SYN2: variants seen among roughly 807,000 people sequenced by gnomAD.
The protein encoded by SYN2 is synapsin-2.
SYN2 carries 19 observed loss-of-function variants against 50.9 expected under a neutral mutation model. That is an observed-to-expected ratio of 0.37 (90% CI 0.26 to 0.55). The LOEUF (loss-of-function observed/expected upper bound fraction) is 0.55, where lower values mean the gene tolerates loss of function less well. Among genes scored for constraint, SYN2 ranks in the 20% least tolerant of loss-of-function variants. The pLI is 0.81. For missense variants in SYN2, 587 were observed against 576.4 expected, an observed-to-expected ratio of 1.02 and a Z score of -0.19; for synonymous variants, 255 against 224.9, an observed-to-expected ratio of 1.13 and a Z score of -1.20.
Position 12,097,585 on chromosome 3 carries a change from G to A in SYN2, c.378-43066G>A, listed in dbSNP as rs572219760. On this transcript the variant is annotated intron_variant, in intron 1 of 12. Transcript: ENST00000621198. The stretch of plus-strand genomic sequence containing the variant: ...CACACCACTGCACTCCAGCCTGGGC[G>A]ACAGAGCGAGACTCCATCTCAACAA... Among the ~76,000 whole-genome samples, 71 of 146,402 alleles carry A rather than the reference G, an allele frequency of 4.8e-4. No individual in the cohort carries two copies. The South Asian group carries it at 9.0e-3, about 18-fold the overall frequency.
At chr3:12,083,629 C>A (rs1172622916) in intron 1 of SYN2, among the ~76,000 whole-genome samples, 1 of 152,140 alleles carries the variant, frequency 6.6e-6, no homozygotes, top group South Asian at 2.1e-4. Context: ...ATTATAACTT[C>A]TGTTTTTGTG....
At chr3:12,178,433 A>G (rs1289369391) in intron 10 of SYN2, among the ~76,000 whole-genome samples, 2 of 152,184 alleles carry the variant, frequency 1.3e-5, no homozygotes, top group Non-Finnish European at 2.9e-5. Flanking sequence ...GGCATTTTAA[A>G]GTTACCTTTG....
At chr3:12,083,051 G>GC (rs1559412847) in intron 1 of SYN2, among the ~76,000 whole-genome samples, 1 of 151,890 alleles carries the variant, frequency 6.6e-6, no homozygotes, top group Non-Finnish European at 1.5e-5. Context: ...TCACTCTGTT[G>GC]CCCAGACTGG....
chr3:12,151,155 C>A (rs757132145), intron 4 of SYN2, 82 bp from the exon 5 acceptor site: 20 of 986,652 alleles, frequency 2.0e-5, no homozygotes, highest in Non-Finnish European at 3.0e-5. Flanking sequence ...AGCAAATGCT[C>A]AATAAATATT....
chr3:12,020,325 C>G (rs747733100), intron 1 of SYN2, among the ~76,000 whole-genome samples: 2 of 146,332 alleles, frequency 1.4e-5, no homozygotes, highest in African/African-American at 2.5e-5. Context: ...TCTTCCCCCC[C>G]ACCCTGGCCC....
chr3:12,124,786 A>G (rs1416313801), intron 1 of SYN2, among the ~76,000 whole-genome samples: 4 of 152,194 alleles, frequency 2.6e-5, no homozygotes, highest in Non-Finnish European at 5.9e-5. Flanking sequence ...GTAAAACTAT[A>G]TAAAAACACA....
At chr3:12,154,386 G>C (rs746195478) in intron 5 of SYN2, 2 of 1,614,220 alleles carry the variant, frequency 1.2e-6, no homozygotes, top group Non-Finnish European at 1.7e-6. Context: ...ACCAAGGACA[G>C]GTCCTCCCAG....
At chr3:12,118,478 C>G (rs531915222) in intron 1 of SYN2, among the ~76,000 whole-genome samples, 18 of 152,144 alleles carry the variant, frequency 1.2e-4, no homozygotes, top group Middle Eastern at 3.4e-3. Context: ...GGAAACAGGC[C>G]CAGAGAGATG....
chr3:12,098,860 T>C (rs1191880943), intron 1 of SYN2, among the ~76,000 whole-genome samples: 1 of 103,974 alleles, frequency 9.6e-6, no homozygotes, highest in African/African-American at 4.1e-5. Context: ...CAAAAGCATA[T>C]ATATATATAT....
In SYN2 at chr3:12,183,315, G is replaced by A. The variant is rs747713400; in HGVS notation, c.1312G>A (p.Gly438Arg). ...CTCTTACATTTTTGTCTTCCAGAGC[G>A]GAACACTTAAGGATCCGGACTCAAG... is the stretch of plus-strand genomic sequence containing the variant. ...RPLTTQQPQS[G>R]TLKDPDSSKT... The change falls in exon 11 of 13, where the codon GGA (glycine) becomes AGA (arginine). Residue 438 changes from glycine (G) to arginine (R), a missense_variant. Gly to Arg is a moderately radical substitution (Grantham distance 125). Transcript: ENST00000621198. The A allele has an allele frequency of 2.6e-5, 42 of 1,608,022 alleles. No homozygotes were observed. Among genetic ancestry groups the A allele is most frequent in the Non-Finnish European group, 3.1e-5 (37 of 1,178,442 alleles).
At chr3:12,128,672 G>A (rs1461105608) in intron 1 of SYN2, among the ~76,000 whole-genome samples, 3 of 152,082 alleles carry the variant, frequency 2.0e-5, no homozygotes, top group East Asian at 1.9e-4. Context: ...CCCATCATAC[G>A]TTGGAAAAAA....
At chr3:12,129,524 G>A (rs947989068) in intron 1 of SYN2, among the ~76,000 whole-genome samples, 2 of 152,100 alleles carry the variant, frequency 1.3e-5, no homozygotes, top group Non-Finnish European at 2.9e-5. Flanking sequence ...GCAAAATTTC[G>A]TGCAAAATGA....
At chr3:12,023,541 A>G (rs1370647005) in intron 1 of SYN2, among the ~76,000 whole-genome samples, 1 of 152,212 alleles carries the variant, frequency 6.6e-6, no homozygotes, top group Non-Finnish European at 1.5e-5. Flanking sequence ...CAGAGTCAGT[A>G]TTTTACTTGA....
rs573579040 is a variant in SYN2 at position 12,059,427 on chromosome 3, A to G, written c.377+54499A>G. Reference sequence around the variant, plus strand: ...AGAGAAGCTTTGTTTTAAAAGCTGGAATCAGTAGAAAAGAATGTTAACTCT... The same window carrying G: ...AGAGAAGCTTTGTTTTAAAAGCTGGGATCAGTAGAAAAGAATGTTAACTCT... On this transcript the variant is annotated intron_variant, in intron 1 of 12. Transcript: ENST00000621198. Among the ~76,000 whole-genome samples the G allele has an allele frequency of 2.6e-5, 4 of 152,272 alleles. No homozygotes were observed. The East Asian group carries it at 7.7e-4, about 29-fold the overall frequency.
chr3:12,182,678 C>T (rs2124831432), intron 10 of SYN2, among the ~76,000 whole-genome samples: 1 of 152,364 alleles, frequency 6.6e-6, no homozygotes, highest in East Asian at 1.9e-4. Context: ...AAGTCCCTCC[C>T]TTTGGGAGTT....
chr3:12,114,797 A>G (rs1696395433), intron 1 of SYN2, among the ~76,000 whole-genome samples: 3 of 152,158 alleles, frequency 2.0e-5, no homozygotes, highest in African/African-American at 7.2e-5. Context: ...CACCTTCTCC[A>G]CAGCTTCAGA....
chr3:12,113,244 G>A (rs751259436), intron 1 of SYN2, among the ~76,000 whole-genome samples: 36 of 152,180 alleles, frequency 2.4e-4, no homozygotes, highest in Admixed American at 3.9e-4. Flanking sequence ...AAGAGTGTAC[G>A]TATGTAACCC....
intron 1 of SYN2, among the ~76,000 whole-genome samples, chr3:12,037,662 A>C (rs771800516): frequency 6.6e-6 from 1 of 152,150 alleles, no homozygotes; most frequent in Admixed American, 6.5e-5. Flanking sequence ...TCCTGAAATA[A>C]CTAACCTGCT....
At chr3:12,050,478 T>C (rs1337586787) in intron 1 of SYN2, among the ~76,000 whole-genome samples, 1 of 151,488 alleles carries the variant, frequency 6.6e-6, no homozygotes, top group Non-Finnish European at 1.5e-5. Context: ...CCCAAGTAGC[T>C]GGGACTATAG....
Sources: allele counts gnomAD v4.1 joint callset (sites outside exome capture counted in the v4.1 genomes callset), GRCh38; gene constraint gnomAD v4.1.1; transcripts MANE v1.5; gene names NCBI Gene and HGNC (gene_info 2026-07-23, HGNC 2026-07-21).